DOP1B: variants seen among roughly 807,000 people sequenced by gnomAD.
DOP1B encodes protein DOP1B.
Under a neutral mutation model 233.5 loss-of-function variants are expected in DOP1B, and 174 were observed. The observed-to-expected ratio is 0.75, with a 90% CI of 0.66 to 0.85. DOP1B has a LOEUF of 0.85. DOP1B is among the 40% of genes least tolerant of loss of function. The pLI is 0.00. For synonymous variants in DOP1B, 1,190 were observed against 1,185.6 expected, an observed-to-expected ratio of 1.00 and a Z score of -0.08; for missense variants, 2,652 against 2,846.6, an observed-to-expected ratio of 0.93 and a Z score of 1.56.
At chr21:36,227,346 G>C (rs1351623376) in intron 12 of DOP1B, among the ~76,000 whole-genome samples, 2 of 151,942 alleles carry the variant, frequency 1.3e-5, no homozygotes, top group South Asian at 2.1e-4. Context: ...AGGAGATCGA[G>C]ACCATCCTGG....
intron 2 of DOP1B, among the ~76,000 whole-genome samples, chr21:36,195,043 G>A (rs1227067038): frequency 2.0e-5 from 3 of 151,412 alleles, no homozygotes; most frequent in East Asian, 3.9e-4. Context: ...CCATCTCTAC[G>A]AAAAAATACC....
intron 1 of DOP1B, among the ~76,000 whole-genome samples, chr21:36,161,602 C>T: frequency 6.6e-6 from 1 of 152,214 alleles, no homozygotes. Flanking sequence ...AATCCTCCTA[C>T]CTCAACCTCT....
chr21:36,257,836 G>GCT lies in DOP1B; in HGVS notation c.5260-2841_5260-2840insCT, dbSNP rs1275775991. ...GTAGATAGATGTAGGTAGGTAGGTA[G>GCT]ATGTAGATAGGTAGGTAGGTAGAGA... On this transcript the variant is annotated intron_variant, in intron 23 of 36. Transcript: ENST00000691173. Among the ~76,000 whole-genome samples the GCT allele has an allele frequency of 9.7e-5, 14 of 144,964 alleles. 1 individual carries two copies. Among genetic ancestry groups the GCT allele is most frequent in the African/African-American group, 3.4e-4 (13 of 38,210 alleles).
intron 7 of DOP1B, among the ~76,000 whole-genome samples, chr21:36,213,747 C>G (rs1468979842): frequency 6.6e-6 from 1 of 151,042 alleles, no homozygotes; most frequent in Non-Finnish European, 1.5e-5. Context: ...ATCATGTTGG[C>G]CACGCTGGTT....
intron 24 of DOP1B, chr21:36,261,689 C>T (rs780260854): frequency 1.0e-5 from 10 of 975,136 alleles, no homozygotes; most frequent in Non-Finnish European, 1.2e-5. Flanking sequence ...GGGTGAGTCA[C>T]TTGAGGCCAG....
rs558380958 is a variant in DOP1B at position 36,162,895 on chromosome 21, A to G, written c.-26-1813A>G. Among the ~76,000 whole-genome samples, 119 of 152,126 alleles carry G rather than the reference A, an allele frequency of 7.8e-4. 1 individual carries two copies. In the South Asian group the frequency reaches 0.011, roughly 14 times the overall value. On this transcript the variant is annotated intron_variant, in intron 1 of 36. Transcript: ENST00000691173. ...GTAGAGGAGGAGGAAAGAAGTTCAG[A>G]GAGGTAGATGGGAAACAAGCTCTGG... is the stretch of plus-strand genomic sequence containing the variant.
chr21:36,256,764 G>GA (rs139779302), intron 23 of DOP1B, among the ~76,000 whole-genome samples: 19,104 of 143,436 alleles, frequency 0.13, 1,832 homozygotes, highest in East Asian at 0.34. Context: ...TCTATATCTG[G>GA]AAAAAAAAAA....
chr21:36,169,629 C>G, intron 2 of DOP1B: 1 of 926,242 alleles, frequency 1.1e-6, no homozygotes, highest in Non-Finnish European at 1.8e-6. Context: ...CCTCCGTTCA[C>G]TTGGATCTCC....
intron 7 of DOP1B, among the ~76,000 whole-genome samples, chr21:36,213,778 GA>G (rs2066527579): frequency 6.6e-6 from 1 of 150,870 alleles, no homozygotes; most frequent in Admixed American, 6.6e-5. Context: ...GACCTCAGGT[GA>G]TCCACCCACC....
chr21:36,274,788 T>C (rs1459558681), intron 27 of DOP1B, among the ~76,000 whole-genome samples: 1 of 152,054 alleles, frequency 6.6e-6, no homozygotes, highest in Non-Finnish European at 1.5e-5. Flanking sequence ...TTGAGGCTAG[T>C]TGTCCATAGG....
At chr21:36,206,668 G>A (rs893222093) in intron 4 of DOP1B, among the ~76,000 whole-genome samples, 1 of 152,174 alleles carries the variant, frequency 6.6e-6, no homozygotes, top group Non-Finnish European at 1.5e-5. Context: ...AGTGGCCAGT[G>A]TTCCATGGAA....
At chr21:36,225,703 A>G (rs1446546128) in intron 12 of DOP1B, 36 bp downstream of exon 12, 5 of 1,601,452 alleles carry the variant, frequency 3.1e-6, no homozygotes, top group Non-Finnish European at 4.3e-6. Context: ...AACGCCTGCT[A>G]TTATTTACAT....
At chr21:36,280,382 G>T in intron 31 of DOP1B, 36 bp downstream of exon 31, 1 of 1,467,942 alleles carries the variant, frequency 6.8e-7, no homozygotes, top group Non-Finnish European at 9.5e-7. Context: ...ACTCACACTT[G>T]ATAGGATCAA....
chr21:36,291,752 C>T (rs1008961615), intron 35 of DOP1B, among the ~76,000 whole-genome samples: 8 of 152,062 alleles, frequency 5.3e-5, no homozygotes, highest in East Asian at 1.9e-4. Context: ...CTGGATGAAC[C>T]GGAAAATATG....
rs1472921764 is a variant in DOP1B at position 36,294,166 on chromosome 21, TGAA to T, written c.*600_*602del. On this transcript the variant is annotated 3_prime_UTR_variant, in exon 37 of 37. Transcript: ENST00000691173. The stretch of plus-strand genomic sequence containing the variant: ...AATATGAAGTAAAGTATGAAGATAA[TGAA>T]GAAGTTGTTTTCTTTGTTGAAGCAG... 1 of 152,940 alleles carries T rather than the reference TGAA, an allele frequency of 6.5e-6. No individual in the cohort carries two copies. The highest frequency in any genetic ancestry group is 2.4e-5 in the African/African-American group (1 of 41,450). 9.5% of individuals were successfully genotyped at this position (152,940 alleles called of 1,614,324 possible). A position where few individuals can be genotyped will look rare whatever the true frequency, so the allele number is the denominator to read the frequency against.
intron 36 of DOP1B, among the ~76,000 whole-genome samples, chr21:36,292,940 A>T (rs888854144): frequency 6.6e-6 from 1 of 151,904 alleles, no homozygotes; most frequent in South Asian, 2.1e-4. Flanking sequence ...AATTATATTC[A>T]TGAGGCTGGT....
chr21:36,207,828 C>T (rs1449082940), intron 4 of DOP1B, among the ~76,000 whole-genome samples: 1 of 152,110 alleles, frequency 6.6e-6, no homozygotes, highest in Non-Finnish European at 1.5e-5. Flanking sequence ...GGGGAATGTG[C>T]CTCTGCTGTT....
chr21:36,160,073 C>A (rs1246434873), intron 1 of DOP1B, among the ~76,000 whole-genome samples: 5 of 152,108 alleles, frequency 3.3e-5, no homozygotes, highest in Non-Finnish European at 7.3e-5. Flanking sequence ...GACTGTGCAC[C>A]ATTGGAGTAT....
Position 36,292,229 on chromosome 21 carries a change from T to A in DOP1B, c.6641T>A (p.Phe2214Tyr). ...ATTCTAGAACTTCTAAAATTAAAGTTTGGGGTAAGTGCTTTTCTTTTCTTT... is the reference window on the plus strand; with the variant it reads ...ATTCTAGAACTTCTAAAATTAAAGTATGGGGTAAGTGCTTTTCTTTTCTTT... ...VRILELLKLK[F>Y]GEISSSDEIT... is the part of the protein sequence containing the mutation. The change falls in exon 36 of 37, where the codon TTT becomes TAT. Residue 2214 changes from phenylalanine to tyrosine, a missense_variant. Coordinates refer to ENST00000691173, the MANE Select transcript of DOP1B (RefSeq NM_001320714.2). 6.3e-7 allele frequency: 1 copy of A among 1,584,454 alleles called. No individual in the cohort carries two copies. The highest frequency in any genetic ancestry group is 8.5e-7 in the Non-Finnish European group (1 of 1,171,368).
Sources: allele counts gnomAD v4.1 joint callset (sites outside exome capture counted in the v4.1 genomes callset), GRCh38; gene constraint gnomAD v4.1.1; transcripts MANE v1.5; gene names NCBI Gene and HGNC (gene_info 2026-07-23, HGNC 2026-07-21).